The following EYS variants were observed in gnomAD, a reference collection of about 807,000 sequenced individuals.
EYS encodes protein eyes shut homolog.
In EYS, 250 loss-of-function variants were observed where a neutral mutation model predicts 282.1. The observed-to-expected ratio is 0.89, with a 90% CI of 0.80 to 0.98. The LOEUF (loss-of-function observed/expected upper bound fraction) is 0.98. EYS is among the 50% of genes least tolerant of loss of function. The pLI is 0.00. For missense variants in EYS, 4,016 were observed against 3,709.0 expected (o/e 1.08, Z -2.15); for synonymous variants, 1,355 against 1,282.9 (o/e 1.06, Z -1.20).
intron 35 of EYS, among the ~76,000 whole-genome samples, chr6:63,931,388 A>T (rs1201521173): frequency 6.6e-6 from 1 of 152,132 alleles, no homozygotes; most frequent in African/African-American, 2.4e-5. Context: ...TGTTTCTAAC[A>T]TTGTGCTCTT....
At chr6:64,032,087 G>A (rs1310614363) in intron 33 of EYS, among the ~76,000 whole-genome samples, 1 of 152,066 alleles carries the variant, frequency 6.6e-6, no homozygotes, top group East Asian at 1.9e-4. Flanking sequence ...GAACTCACCG[G>A]GAGGAATGAA....
chr6:65,443,174 G>A (rs373657474), intron 5 of EYS, among the ~76,000 whole-genome samples: 1 of 142,238 alleles, frequency 7.0e-6, no homozygotes, highest in East Asian at 2.2e-4. Context: ...GAGCACATAT[G>A]TGCACATCAT....
rs567929858 is a variant in EYS at position 64,243,001 on chromosome 6, A to G, written c.6192-12177T>C. ...ACATAAATATTGATATAAACTAATT[A>G]TAATTTATATATATTTATTAAGTAT... On this transcript the variant is annotated intron_variant, in intron 30 of 42. Transcript: ENST00000503581. Among the ~76,000 whole-genome samples, 11 of 147,040 alleles carry G rather than the reference A, an allele frequency of 7.5e-5. No homozygotes were observed. In the South Asian group the frequency reaches 2.1e-3, roughly 28 times the overall value.
At chr6:64,910,587 AG>A (rs1767960600) in intron 16 of EYS, among the ~76,000 whole-genome samples, 1 of 152,058 alleles carries the variant, frequency 6.6e-6, no homozygotes, top group African/African-American at 2.4e-5. Context: ...CTGCCACTCT[AG>A]CCAAAGCTCT....
chr6:64,308,417 G>C (rs1769540992), intron 29 of EYS, among the ~76,000 whole-genome samples: 1 of 152,022 alleles, frequency 6.6e-6, no homozygotes, highest in Non-Finnish European at 1.5e-5. Context: ...AAAAGGGAAA[G>C]TAAAAGTGAA....
At chr6:64,784,575 A>C (rs1485227538) in intron 22 of EYS, among the ~76,000 whole-genome samples, 1 of 152,156 alleles carries the variant, frequency 6.6e-6, no homozygotes, top group Non-Finnish European at 1.5e-5. Context: ...AGAGCCTGGC[A>C]CATCATAAAC....
intron 2 of EYS, among the ~76,000 whole-genome samples, chr6:65,518,976 G>C (rs1006631810): frequency 2.0e-5 from 3 of 152,004 alleles, no homozygotes; most frequent in South Asian, 2.1e-4. Flanking sequence ...TTTAGGTGGG[G>C]ACACAGCCAA....
chr6:65,544,797 AG>A (rs1355037993), intron 2 of EYS, among the ~76,000 whole-genome samples: 1 of 152,186 alleles, frequency 6.6e-6, no homozygotes, highest in Admixed American at 6.5e-5. Flanking sequence ...AAACAGTTTG[AG>A]AAAATTCTGT....
intron 12 of EYS, among the ~76,000 whole-genome samples, chr6:65,236,591 G>C (rs1766930722): frequency 6.6e-6 from 1 of 151,054 alleles, no homozygotes; most frequent in Non-Finnish European, 1.5e-5. Flanking sequence ...TTGGGCAACA[G>C]AGTGAGACTC....
At chr6:64,980,563 G>A (rs1460068752) in intron 14 of EYS, among the ~76,000 whole-genome samples, 2 of 151,248 alleles carry the variant, frequency 1.3e-5, no homozygotes, top group Non-Finnish European at 3.0e-5. Context: ...TAATATCATT[G>A]CTTTAATATA....
intron 12 of EYS, among the ~76,000 whole-genome samples, chr6:65,142,658 T>A (rs913695331): frequency 4.8e-4 from 69 of 144,736 alleles, no homozygotes; most frequent in Admixed American, 1.2e-3. Context: ...ATTCCAAATT[T>A]AAAAAAAAAA....
chr6:63,777,872 CAAGTCTACATAAG>C, intron 40 of EYS, 121 bp downstream of exon 40: 1 of 844,158 alleles, frequency 1.2e-6, no homozygotes. Context: ...CATCATGTAA[CAAGTCTACATAAG>C]AACATTTTAA....
At chr6:64,324,564 A>G (rs1244043960) in intron 29 of EYS, among the ~76,000 whole-genome samples, 1 of 152,204 alleles carries the variant, frequency 6.6e-6, no homozygotes, top group African/African-American at 2.4e-5. Context: ...GAACTTAAAA[A>G]GACAAGGATG....
chr6:64,247,066 TTTA>T (rs1199604186), intron 30 of EYS, among the ~76,000 whole-genome samples: 1 of 152,120 alleles, frequency 6.6e-6, no homozygotes. Context: ...AATGGAAACA[TTTA>T]TTATATTAAT....
intron 22 of EYS, among the ~76,000 whole-genome samples, chr6:64,634,486 C>G (rs549249168): frequency 6.6e-6 from 1 of 150,574 alleles, no homozygotes; most frequent in Non-Finnish European, 1.5e-5. Context: ...TACGGGCAAA[C>G]TTCTGGGCTG....
rs13202362 is a variant in EYS at position 65,533,887 on chromosome 6, T to G, written c.-332-37894A>C. Reference sequence around the variant, plus strand: ...AGACACTCACTCTGGCAGAAGTTATTGATGATATTGCCTTTGTCCGAGGTA... The same window carrying G: ...AGACACTCACTCTGGCAGAAGTTATGGATGATATTGCCTTTGTCCGAGGTA... On this transcript the variant is annotated intron_variant, in intron 2 of 42. Coordinates refer to ENST00000503581, the MANE Select transcript of EYS (RefSeq NM_001142800.2). Among the ~76,000 whole-genome samples, 197 of 152,250 alleles carry G rather than the reference T, an allele frequency of 1.3e-3. 1 individual carries two copies. The highest frequency in any genetic ancestry group is 2.1e-3 in the Non-Finnish European group (146 of 68,012).
intron 29 of EYS, among the ~76,000 whole-genome samples, chr6:64,308,907 C>CA (rs1769562746): frequency 6.6e-6 from 1 of 152,048 alleles, no homozygotes; most frequent in South Asian, 2.1e-4. Flanking sequence ...TTATATGCTG[C>CA]AGTTGGGAAA....
At chr6:65,255,163 A>G (rs1361807035) in intron 12 of EYS, among the ~76,000 whole-genome samples, 1 of 151,998 alleles carries the variant, frequency 6.6e-6, no homozygotes, top group Non-Finnish European at 1.5e-5. Context: ...ATAGCATGGT[A>G]CCGGCATAAA....
intron 2 of EYS, among the ~76,000 whole-genome samples, chr6:65,531,592 AAATGGATAG>A (rs1767771304): frequency 6.6e-6 from 1 of 152,166 alleles, no homozygotes; most frequent in African/African-American, 2.4e-5. Context: ...TCAGAGTTTT[AAATGGATAG>A]GGAGATCCCT....
Sources: gnomAD v4.1 joint callset for allele counts (sites outside exome capture counted in the v4.1 genomes callset) on GRCh38, gnomAD v4.1.1 for gene constraint, MANE v1.5 for transcripts, NCBI Gene and HGNC (gene_info 2026-07-23, HGNC 2026-07-21) for gene names.